PPARA: variants seen among roughly 807,000 people sequenced by gnomAD.
The protein encoded by PPARA is peroxisome proliferator-activated receptor alpha.
Under a neutral mutation model 42.2 loss-of-function variants are expected in PPARA, and 22 were observed. That is an observed-to-expected ratio of 0.52 (90% CI 0.37 to 0.74). The LOEUF (loss-of-function observed/expected upper bound fraction) is 0.74. Among genes scored for constraint, PPARA ranks in the 30% least tolerant of loss-of-function variants. The probability of loss-of-function intolerance (pLI) is 0.00; values close to 1 mark genes in which losing one functional copy is unlikely to be tolerated. For missense variants in PPARA, 465 were observed against 608.2 expected (o/e 0.76, Z 2.48); for synonymous variants, 242 against 239.3 (o/e 1.01, Z -0.10).
chr22:46,232,266 A>G lies in PPARA; in HGVS notation c.1159+27A>G, dbSNP rs762922402. The G allele has an allele frequency of 1.9e-5, 30 of 1,608,522 alleles. No homozygotes were observed. The highest frequency in any genetic ancestry group is 1.1e-5 in the South Asian group (1 of 90,964). ...TGAGTGGTTGATTTAATCTGCTGGT[A>G]TCATGTCACTGACAGGCTCCTGTCT... On this transcript the variant is annotated intron_variant, in intron 8 of 8. Transcript: ENST00000407236. This position sits in a 1 kb window ranked among gnomAD's most constrained non-coding sequence, Gnocchi z 5.3.
chr22:46,154,988 TAAAAAAAAAAAAAAAAAAAAAAA>T (rs71190699), intron 2 of PPARA: 341 of 31,020 alleles, frequency 0.011, 13 homozygotes, highest in African/African-American at 0.033. Flanking sequence ...GGTCTTTCTT[TAAAAAAAAAAAAAAAAAAAAAAA>T]AAAAAAAAAA....
In PPARA at chr22:46,150,680, CGGGA is replaced by C. The variant is rs1924252417; in HGVS notation, c.-210+29_-210+32del. ...GCCCGGGGGCGGGCGGGCGGGCGGG[CGGGA>C]ACGCGCGCGGGGGTCCGCGGTCCGG... On this transcript the variant is annotated intron_variant, in intron 1 of 8. Transcript: ENST00000407236. The surrounding 1 kb of genome is among the most constrained non-coding windows in gnomAD (Gnocchi z 7.5). 1 of 100,022 alleles carries C rather than the reference CGGGA, an allele frequency of 1.0e-5. No homozygotes were observed. Among genetic ancestry groups the C allele is most frequent in the Admixed American group, 9.8e-5 (1 of 10,208 alleles). 6.2% of individuals were successfully genotyped at this position (100,022 alleles called of 1,614,324 possible).
Position 46,193,444 on chromosome 22 carries a change from T to C in PPARA, c.-42-4898T>C, listed in dbSNP as rs1335204934. On this transcript the variant is annotated intron_variant, in intron 3 of 8. Coordinates refer to ENST00000407236, the MANE Select transcript of PPARA (RefSeq NM_005036.6). This position sits in a 1 kb window ranked among gnomAD's most constrained non-coding sequence, Gnocchi z 5.3. ...TTTTTAAATAACTTAAAGAGTATAA[T>C]TGGATTGTTGTAACTGAAAGGATCA... Among the ~76,000 whole-genome samples, 1 of 152,164 alleles carries C rather than the reference T, an allele frequency of 6.6e-6. No homozygotes were observed. The highest frequency in any genetic ancestry group is 6.6e-5 in the Admixed American group (1 of 15,262).
Position 46,238,506 on chromosome 22 carries a change from G to T in PPARA, c.*3126G>T, listed in dbSNP as rs913502854. 1.3e-5 allele frequency: 2 copies of T among 152,232 alleles called. No homozygotes were observed. Among genetic ancestry groups the T allele is most frequent in the Non-Finnish European group, 2.9e-5 (2 of 68,048 alleles). 9.4% of individuals were successfully genotyped at this position (152,232 alleles called of 1,614,324 possible). A position where few individuals can be genotyped will look rare whatever the true frequency, so the allele number is the denominator to read the frequency against. ...CCTCTGGCAGCGAATGTAGGAAGTCGCCAAATTTACCCACTCTTCAACAAG... is the reference window on the plus strand; with the variant it reads ...CCTCTGGCAGCGAATGTAGGAAGTCTCCAAATTTACCCACTCTTCAACAAG... On this transcript the variant is annotated 3_prime_UTR_variant, in exon 9 of 9. Coordinates refer to ENST00000407236, the MANE Select transcript of PPARA (RefSeq NM_005036.6). The surrounding 1 kb of genome is among the most constrained non-coding windows in gnomAD (Gnocchi z 8.3).
rs1218136932 is a variant in PPARA, at chr22:46,240,471, C to T, written c.*5091C>T. Reference sequence around the variant, plus strand: ...CTCCCATCTCCTGGACTGCCAGCCTCACCCTCTGCAGTTAGCATGGTTGGC... The same window carrying T: ...CTCCCATCTCCTGGACTGCCAGCCTTACCCTCTGCAGTTAGCATGGTTGGC... On this transcript the variant is annotated 3_prime_UTR_variant, in exon 9 of 9. Coordinates refer to ENST00000407236, the MANE Select transcript of PPARA (RefSeq NM_005036.6). The surrounding 1 kb of genome is among the most constrained non-coding windows in gnomAD (Gnocchi z 6.0). 3 of 389,782 alleles carry T rather than the reference C, an allele frequency of 7.7e-6. No individual in the cohort carries two copies. The highest frequency in any genetic ancestry group is 1.4e-5 in the Non-Finnish European group (3 of 221,204). The allele number at this position is 389,782 out of a possible 1,614,324, so 24.1% of individuals were successfully genotyped here. A position where few individuals can be genotyped will look rare whatever the true frequency, so the allele number is the denominator to read the frequency against.
At chr22:46,228,098 T>C (rs1935595961) in intron 7 of PPARA, among the ~76,000 whole-genome samples, 1 of 152,230 alleles carries the variant, frequency 6.6e-6, no homozygotes, top group Non-Finnish European at 1.5e-5. Context: ...AGTCCTCATT[T>C]ACGAGAGTAC....
At chr22:46,214,047 T>A (rs535820528) in intron 4 of PPARA, among the ~76,000 whole-genome samples, 3 of 152,280 alleles carry the variant, frequency 2.0e-5, no homozygotes, top group African/African-American at 7.2e-5. Flanking sequence ...TTCCAACTTA[T>A]ATTTTCTCTT....
chr22:46,169,058 A>C (rs970412930), intron 2 of PPARA, among the ~76,000 whole-genome samples: 1 of 151,918 alleles, frequency 6.6e-6, no homozygotes, highest in Non-Finnish European at 1.5e-5. Context: ...TAGGTGGAAC[A>C]CAGGGCATGT....
At chr22:46,207,146 C>T (rs1252136703) in intron 4 of PPARA, among the ~76,000 whole-genome samples, 1 of 151,424 alleles carries the variant, frequency 6.6e-6, no homozygotes, top group Non-Finnish European at 1.5e-5. Flanking sequence ...TTGCTTGAAC[C>T]CAGGAGGCAG....
rs147206788 is a variant in PPARA at position 46,178,100 on chromosome 22, C to T, written c.-43+1264C>T. 2.2e-4 allele frequency among the ~76,000 whole-genome samples: 33 copies of T among 152,252 alleles called. No individual in the cohort carries two copies. The East Asian group carries it at 5.6e-3, about 26-fold the overall frequency. ...AACCTCAGGCACCTACCCAAAGAGG[C>T]ATTTTAGGACTCGTAAGGAGGGGGT... On this transcript the variant is annotated intron_variant, in intron 3 of 8. Coordinates refer to ENST00000407236, the MANE Select transcript of PPARA (RefSeq NM_005036.6).
chr22:46,239,859 T>G lies in PPARA; in HGVS notation c.*4479T>G, dbSNP rs1215959815. ...GTTCCAAGCACTTCCCACCTCAAAC[T>G]CCCATTTTCAAACCACTGTATCTCT... On this transcript the variant is annotated 3_prime_UTR_variant, in exon 9 of 9. Transcript: ENST00000407236. 1 of 255,054 alleles carries G rather than the reference T, an allele frequency of 3.9e-6. No individual in the cohort carries two copies. The highest frequency in any genetic ancestry group is 7.4e-6 in the Non-Finnish European group (1 of 135,754). 15.8% of individuals were successfully genotyped at this position (255,054 alleles called of 1,614,324 possible).
chr22:46,207,167 GA>G (rs1933395528), intron 4 of PPARA, among the ~76,000 whole-genome samples: 1 of 150,678 alleles, frequency 6.6e-6, no homozygotes, highest in Non-Finnish European at 1.5e-5. Context: ...AGGTTGCAGT[GA>G]GCCAAGATCA....
rs1170132789 is a variant in PPARA at position 46,219,181 on chromosome 22, GAAA to G, written c.509-628_509-626del. ...CGTCTCAAAAAAAAAGAAAAAAAAA[GAAA>G]AAGTCTCAAATAGCTGAGATTCAGT... is the stretch of plus-strand genomic sequence containing the variant. On this transcript the variant is annotated intron_variant, in intron 6 of 8. Coordinates refer to ENST00000407236, the MANE Select transcript of PPARA (RefSeq NM_005036.6). This position sits in a 1 kb window ranked among gnomAD's most constrained non-coding sequence, Gnocchi z 4.8. Among the ~76,000 whole-genome samples the G allele has an allele frequency of 6.6e-6, 1 of 151,950 alleles. No homozygotes were observed. Among genetic ancestry groups the G allele is most frequent in the Non-Finnish European group, 1.5e-5 (1 of 67,972 alleles).
intron 2 of PPARA, among the ~76,000 whole-genome samples, chr22:46,154,562 G>A (rs994848607): frequency 8.5e-5 from 13 of 152,082 alleles, no homozygotes; most frequent in African/African-American, 3.1e-4. Context: ...AGGTTGCAGT[G>A]ACTGAGATGG....
In PPARA at chr22:46,188,101, A is replaced by G. The variant is rs921570651; in HGVS notation, c.-42-10241A>G. 2.0e-5 allele frequency among the ~76,000 whole-genome samples: 3 copies of G among 152,238 alleles called. No individual in the cohort carries two copies. Among genetic ancestry groups the G allele is most frequent in the African/African-American group, 4.8e-5 (2 of 41,462 alleles). ...GCCATCCAGCCATAGCTGAGCCACAAAATGACCACAGCTATGTGAATTATC... is the reference window on the plus strand; with the variant it reads ...GCCATCCAGCCATAGCTGAGCCACAGAATGACCACAGCTATGTGAATTATC... On this transcript the variant is annotated intron_variant, in intron 3 of 8. Transcript: ENST00000407236. This position sits in a 1 kb window ranked among gnomAD's most constrained non-coding sequence, Gnocchi z 5.0.
chr22:46,199,412 C>A (rs1024312255), intron 4 of PPARA, among the ~76,000 whole-genome samples: 1 of 152,170 alleles, frequency 6.6e-6, no homozygotes, highest in Non-Finnish European at 1.5e-5. Context: ...GCAAGTGGAT[C>A]ACTTGAGGTC....
At position 46,173,253 on chromosome 22, in the gene PPARA, T is replaced by G. The variant is rs1466107707; in HGVS notation, c.-126-3500T>G. ...CAAAACAGTTATGTTTTTAGTTTTC[T>G]TTTATTTGTTGTGTTGAATAGGAAT... On this transcript the variant is annotated intron_variant, in intron 2 of 8. Coordinates refer to ENST00000407236, the MANE Select transcript of PPARA (RefSeq NM_005036.6). The surrounding 1 kb of genome is among the most constrained non-coding windows in gnomAD (Gnocchi z 4.3). 6.6e-6 allele frequency among the ~76,000 whole-genome samples: 1 copy of G among 152,232 alleles called. No individual in the cohort carries two copies. The highest frequency in any genetic ancestry group is 1.5e-5 in the Non-Finnish European group (1 of 68,054).
rs541462774 is a variant in PPARA at position 46,193,684 on chromosome 22, T to C, written c.-42-4658T>C. Among the ~76,000 whole-genome samples the C allele has an allele frequency of 6.6e-6, 1 of 152,260 alleles. No individual in the cohort carries two copies. The highest frequency in any genetic ancestry group is 2.1e-4 in the South Asian group (1 of 4,822). On this transcript the variant is annotated intron_variant, in intron 3 of 8. Coordinates refer to ENST00000407236, the MANE Select transcript of PPARA (RefSeq NM_005036.6). This position sits in a 1 kb window ranked among gnomAD's most constrained non-coding sequence, Gnocchi z 5.3. ...CTCAGGTAAGGAAGGAATGAGAGGA[T>C]CATGCAGAACCTCCCATCATTGCTG...
rs1204828121 is a variant in PPARA at position 46,200,911 on chromosome 22, G to A, written c.208+2320G>A. The stretch of plus-strand genomic sequence containing the variant: ...TGTACTCTAGCTTGGGCGACAGGGT[G>A]AGACTCCATCTCAAAAAAAAGTTGG... On this transcript the variant is annotated intron_variant, in intron 4 of 8. Coordinates refer to ENST00000407236, the MANE Select transcript of PPARA (RefSeq NM_005036.6). This position sits in a 1 kb window ranked among gnomAD's most constrained non-coding sequence, Gnocchi z 4.8. Among the ~76,000 whole-genome samples the A allele has an allele frequency of 6.7e-6, 1 of 149,414 alleles. No homozygotes were observed. The highest frequency in any genetic ancestry group is 6.7e-5 in the Admixed American group (1 of 14,892).
Sources: allele counts gnomAD v4.1 joint callset (sites outside exome capture counted in the v4.1 genomes callset), GRCh38; gene constraint gnomAD v4.1.1; non-coding constraint Gnocchi (gnomAD v3.1); transcripts MANE v1.5; gene names NCBI Gene and HGNC (gene_info 2026-07-23, HGNC 2026-07-21).